BBS9: variants seen among roughly 807,000 people sequenced by gnomAD.
The protein encoded by BBS9 is protein PTHB1.
BBS9 carries 89 observed loss-of-function variants against 117.7 expected under a neutral mutation model. That is an observed-to-expected ratio of 0.76 (90% CI 0.64 to 0.90). The LOEUF (loss-of-function observed/expected upper bound fraction) is 0.90, where lower values mean the gene tolerates loss of function less well. Ranked by LOEUF, BBS9 falls within the 40% of genes least tolerant of loss-of-function variation. BBS9 has a pLI of 0.00. For missense variants in BBS9, 982 were observed against 1,042.2 expected, an observed-to-expected ratio of 0.94 and a Z score of 0.80; for synonymous variants, 379 against 370.9, an observed-to-expected ratio of 1.02 and a Z score of -0.25.
intron 21 of BBS9, among the ~76,000 whole-genome samples, chr7:33,540,805 C>A (rs186638531): frequency 1.3e-5 from 2 of 152,316 alleles, no homozygotes; most frequent in Admixed American, 1.3e-4. Context: ...GAAATGTGCG[C>A]AGCTGTTTTT....
intron 21 of BBS9, among the ~76,000 whole-genome samples, chr7:33,617,753 C>T (rs946760937): frequency 4.6e-5 from 7 of 152,262 alleles, no homozygotes; most frequent in South Asian, 2.1e-4. Flanking sequence ...AGTGAATGAA[C>T]TGAAAACTTC....
intron 10 of BBS9, among the ~76,000 whole-genome samples, chr7:33,338,819 T>G (rs1349340917): frequency 6.6e-6 from 1 of 152,224 alleles, no homozygotes; most frequent in East Asian, 1.9e-4. Flanking sequence ...GACAGAATTT[T>G]ATTTATGATT....
At chr7:33,547,809 C>A (rs1398052031) in intron 21 of BBS9, among the ~76,000 whole-genome samples, 1 of 152,096 alleles carries the variant, frequency 6.6e-6, no homozygotes, top group Non-Finnish European at 1.5e-5. Flanking sequence ...TTTTGAAAGT[C>A]AAGCTATAGT....
At chr7:33,398,126 AATAG>A (rs1161417204) in intron 19 of BBS9, among the ~76,000 whole-genome samples, 1 of 152,188 alleles carries the variant, frequency 6.6e-6, no homozygotes, top group Non-Finnish European at 1.5e-5. Flanking sequence ...GGCACTATCT[AATAG>A]ATAGCCACAT....
chr7:33,188,850 G>A (rs1783587857), intron 5 of BBS9, among the ~76,000 whole-genome samples: 1 of 152,040 alleles, frequency 6.6e-6, no homozygotes, highest in Admixed American at 6.6e-5. Context: ...AAGGGGTTTG[G>A]GCATGAAGGT....
chr7:33,527,425 G>A (rs1849759361), intron 20 of BBS9, among the ~76,000 whole-genome samples: 2 of 152,208 alleles, frequency 1.3e-5, no homozygotes, highest in Admixed American at 1.3e-4. Flanking sequence ...GACCCTCCGA[G>A]CCAGGTGTGG....
At chr7:33,313,259 T>C (rs1347452085) in intron 9 of BBS9, among the ~76,000 whole-genome samples, 3 of 151,802 alleles carry the variant, frequency 2.0e-5, no homozygotes, top group Non-Finnish European at 4.4e-5. Flanking sequence ...TCTTTACTTT[T>C]AAGTTCCTTG....
chr7:33,152,672 C>G (rs2128107946), intron 2 of BBS9, 29 bp from the exon 3 acceptor site: 2 of 1,574,996 alleles, frequency 1.3e-6, no homozygotes, highest in Middle Eastern at 1.7e-4. Flanking sequence ...GTTTCTCCCT[C>G]TATCTTTTTT....
At chr7:33,577,982 C>T (rs145729195) in intron 21 of BBS9, among the ~76,000 whole-genome samples, 121 of 152,292 alleles carry the variant, frequency 7.9e-4, no homozygotes, top group African/African-American at 2.7e-3. Context: ...AGCAAACCAA[C>T]ATGGCACATG....
chr7:33,170,665 C>T (rs1319210144), intron 4 of BBS9, among the ~76,000 whole-genome samples: 2 of 151,064 alleles, frequency 1.3e-5, no homozygotes, highest in Non-Finnish European at 3.0e-5. Context: ...GTCAAATTGT[C>T]CCTGTTTGCG....
At chr7:33,266,779 G>A (rs1798899349) in intron 7 of BBS9, among the ~76,000 whole-genome samples, 2 of 151,990 alleles carry the variant, frequency 1.3e-5, no homozygotes, top group Non-Finnish European at 2.9e-5. Flanking sequence ...GCCTTGCTGT[G>A]TTGCCCAGGC....
rs1480367032 is a variant in BBS9, at chr7:33,340,913, TGA to T, written c.1222_1223del (p.Glu408ArgfsTer2). ...NKSQGVWPMTEREDDLNVSVV... is the reference protein window; with the variant it reads ...NKSQGVWPMTXREDDLNVSVV... ...AAATCACAGGTGTTTGGCCCATGAC[TGA>T]GAGAGAAGATGACTTGAACGTTTCT... On this transcript the variant is annotated frameshift_variant, in exon 11 of 23. Transcript: ENST00000242067. LOFTEE classifies it high-confidence loss of function. 2 of 1,613,558 alleles carry T rather than the reference TGA, an allele frequency of 1.2e-6. No homozygotes were observed.
At chr7:33,473,209 G>A (rs548909257) in intron 19 of BBS9, among the ~76,000 whole-genome samples, 30 of 152,282 alleles carry the variant, frequency 2.0e-4, no homozygotes, top group African/African-American at 7.2e-4. Flanking sequence ...AGGAAGAATA[G>A]TATTTTGAAA....
chr7:33,167,878 T>C (rs181561846), intron 4 of BBS9, among the ~76,000 whole-genome samples: 206 of 152,258 alleles, frequency 1.4e-3, no homozygotes, highest in Middle Eastern at 6.8e-3. Flanking sequence ...ATTAAGCAAT[T>C]AACTGTGGAA....
chr7:33,246,248 A>C (rs1176545359), intron 5 of BBS9, among the ~76,000 whole-genome samples: 1 of 151,670 alleles, frequency 6.6e-6, no homozygotes, highest in African/African-American at 2.4e-5. Flanking sequence ...AAAACCATGT[A>C]AGTTTAAATC....
At chr7:33,610,995 G>C (rs955558705), downstream of BBS9, among the ~76,000 whole-genome samples, 8 of 152,170 alleles carry the variant, frequency 5.3e-5, no homozygotes, top group Non-Finnish European at 1.2e-4. Flanking sequence ...AGTCAGTCTT[G>C]TATCTCAGTT....
At chr7:33,507,258 T>C (rs1232915465) in intron 20 of BBS9, among the ~76,000 whole-genome samples, 1 of 152,208 alleles carries the variant, frequency 6.6e-6, no homozygotes, top group Non-Finnish European at 1.5e-5. Context: ...TTTTTCGTTT[T>C]GAGATGGAGT....
At chr7:33,516,487 C>CAAAAAAAA (rs61006845) in intron 20 of BBS9, among the ~76,000 whole-genome samples, 3 of 51,514 alleles carry the variant, frequency 5.8e-5, no homozygotes, top group African/African-American at 1.5e-4. Context: ...ATTTCATCTC[C>CAAAAAAAA]AAAAAAAAAA....
At chr7:33,592,018 C>A (rs1052263569) in intron 21 of BBS9, among the ~76,000 whole-genome samples, 31 of 152,104 alleles carry the variant, frequency 2.0e-4, no homozygotes, top group Non-Finnish European at 3.7e-4. Flanking sequence ...ACTTTTAATG[C>A]CTTGGTGACA....
Sources: gnomAD v4.1 joint callset for allele counts (sites outside exome capture counted in the v4.1 genomes callset) on GRCh38, gnomAD v4.1.1 for gene constraint, MANE v1.5 for transcripts, NCBI Gene and HGNC (gene_info 2026-07-23, HGNC 2026-07-21) for gene names.